Variants in FBXO4 observed in about 807,000 individuals in gnomAD.
FBXO4 encodes F-box protein 4, also known as F-box only protein 4.
In FBXO4, 36 loss-of-function variants were observed where a neutral mutation model predicts 43.7. The observed-to-expected ratio is 0.82, with a 90% confidence interval of 0.63 to 1.09. The LOEUF (loss-of-function observed/expected upper bound fraction) is 1.09. Ranked by LOEUF, FBXO4 falls within the 50% of genes least tolerant of loss-of-function variation. The probability of loss-of-function intolerance (pLI) is 0.00; values close to 1 mark genes in which losing one functional copy is unlikely to be tolerated. For missense variants in FBXO4, 435 were observed against 474.1 expected (o/e 0.92, Z 0.77); for synonymous variants, 180 against 165.6 (o/e 1.09, Z -0.67).
At chr5:42,006,434 A>G in the FBXO4 span, among the ~76,000 whole-genome samples, 2 of 152,118 alleles carry the variant, frequency 1.3e-5, no homozygotes, top group Admixed American at 6.6e-5. Context: ...TAGTTAAACC[A>G]AACAGCAGTT....
the FBXO4 span, among the ~76,000 whole-genome samples, chr5:42,022,998 T>C: frequency 3.3e-5 from 5 of 152,158 alleles, no homozygotes; most frequent in East Asian, 5.8e-4. Flanking sequence ...TACAATGATG[T>C]TTAGGTAACA....
intron 1 of FBXO4, 96 bp downstream of exon 1, chr5:41,925,594 C>T (rs560742737): frequency 2.0e-6 from 2 of 986,684 alleles, no homozygotes; most frequent in Non-Finnish European, 2.7e-6. Context: ...ACTCTCGCGC[C>T]CCGGCCTGGG....
chr5:41,988,654 A>C, the FBXO4 span, among the ~76,000 whole-genome samples: 1 of 152,130 alleles, frequency 6.6e-6, no homozygotes, highest in Non-Finnish European at 1.5e-5. Context: ...TTCTGGTTTG[A>C]TGAGCTCTGT....
the FBXO4 span, among the ~76,000 whole-genome samples, chr5:42,016,689 T>C: frequency 6.6e-6 from 1 of 152,046 alleles, no homozygotes; most frequent in Non-Finnish European, 1.5e-5. Context: ...TTTTTGAAAT[T>C]TTAAAAAGCT....
the FBXO4 span, among the ~76,000 whole-genome samples, chr5:42,004,874 G>A: frequency 1.3e-5 from 2 of 152,020 alleles, no homozygotes; most frequent in Non-Finnish European, 2.9e-5. Flanking sequence ...ATTTACAGTT[G>A]GAATGGACAC....
intron 5 of FBXO4, 49 bp from the exon 6 acceptor site, chr5:41,939,392 A>G: frequency 1.4e-6 from 2 of 1,463,766 alleles, no homozygotes; most frequent in Non-Finnish European, 1.8e-6. Context: ...ATTATTTTCA[A>G]AACTATTAAA....
At chr5:41,934,336 C>G in intron 5 of FBXO4, 28 bp downstream of exon 5, 1 of 1,613,522 alleles carries the variant, frequency 6.2e-7, no homozygotes, top group Middle Eastern at 1.7e-4. Context: ...CATTTTTAAG[C>G]ACATTGTTCT....
At chr5:42,013,056 A>G in the FBXO4 span, among the ~76,000 whole-genome samples, 1 of 152,226 alleles carries the variant, frequency 6.6e-6, no homozygotes, top group South Asian at 2.1e-4. Flanking sequence ...CATAATTCCA[A>G]CACTTTGAAA....
the FBXO4 span, among the ~76,000 whole-genome samples, chr5:41,962,649 C>T: frequency 3.9e-5 from 6 of 152,176 alleles, no homozygotes; most frequent in African/African-American, 1.4e-4. Flanking sequence ...GTATTCCTGA[C>T]CCTCTTCCAC....
At chr5:41,942,011 A>C (rs1392229066), downstream of FBXO4, among the ~76,000 whole-genome samples, 1 of 152,124 alleles carries the variant, frequency 6.6e-6, no homozygotes, top group Non-Finnish European at 1.5e-5. Context: ...GAAACACCCT[A>C]ATATCTCACT....
chr5:42,006,828 GGCTTTAAGATAAAACATTT>G, the FBXO4 span, among the ~76,000 whole-genome samples: 8 of 141,594 alleles, frequency 5.6e-5, no homozygotes, highest in Admixed American at 5.8e-4. Flanking sequence ...ATATAGCCAA[GGCTTTAAGATAAAACATTT>G]GCAAAATGGA....
the FBXO4 span, among the ~76,000 whole-genome samples, chr5:41,961,174 A>G: frequency 6.6e-6 from 1 of 152,114 alleles, no homozygotes; most frequent in Admixed American, 6.5e-5. Flanking sequence ...CTGTCTGCTG[A>G]GGTCAATGTT....
chr5:41,938,170 G>A (rs1166628221), intron 5 of FBXO4, among the ~76,000 whole-genome samples: 1 of 152,036 alleles, frequency 6.6e-6, no homozygotes, highest in Admixed American at 6.6e-5. Flanking sequence ...AACTAATAGT[G>A]TATTATACAT....
the FBXO4 span, among the ~76,000 whole-genome samples, chr5:41,993,020 T>A: frequency 5.9e-5 from 9 of 152,352 alleles, no homozygotes; most frequent in East Asian, 9.6e-4. Context: ...CACTATTTTT[T>A]AATTTGCTTT....
intron 6 of FBXO4, among the ~76,000 whole-genome samples, chr5:41,940,812 T>G (rs924638289): frequency 6.6e-5 from 10 of 152,138 alleles, no homozygotes; most frequent in African/African-American, 1.9e-4. Flanking sequence ...GGAGTGGCAG[T>G]CTTCAAGACA....
rs1751525155 is a variant in FBXO4 at position 41,927,000 on chromosome 5, T to G, written c.190-13T>G. 6.6e-7 allele frequency: 1 copy of G among 1,521,658 alleles called. No homozygotes were observed. Among genetic ancestry groups the G allele is most frequent in the African/African-American group, 1.4e-5 (1 of 71,768 alleles). The allele number at this position is 1,521,658 out of a possible 1,614,324, so 94.3% of individuals were successfully genotyped here. A position where few individuals can be genotyped will look rare whatever the true frequency, so the allele number is the denominator to read the frequency against. ...CATTCCTTTTTCCTACCTGCTGCTTTCTTCTGTTTCAGATTGATGTACAGC... is the reference window on the plus strand; with the variant it reads ...CATTCCTTTTTCCTACCTGCTGCTTGCTTCTGTTTCAGATTGATGTACAGC... On this transcript the variant is annotated splice_polypyrimidine_tract_variant and intron_variant, in intron 1 of 6. Coordinates refer to ENST00000281623, the MANE Select transcript of FBXO4 (RefSeq NM_012176.3).
At chr5:41,995,361 A>G in the FBXO4 span, among the ~76,000 whole-genome samples, 1 of 152,200 alleles carries the variant, frequency 6.6e-6, no homozygotes, top group Non-Finnish European at 1.5e-5. Flanking sequence ...AAGAGGTCCA[A>G]TATAATCAAG....
chr5:41,988,917 G>A, the FBXO4 span, among the ~76,000 whole-genome samples: 1 of 152,110 alleles, frequency 6.6e-6, no homozygotes, highest in Non-Finnish European at 1.5e-5. Flanking sequence ...AAATTATCAA[G>A]CTGACTTAAC....
At chr5:41,958,236 G>A in the FBXO4 span, among the ~76,000 whole-genome samples, 463 of 150,080 alleles carry the variant, frequency 3.1e-3, 2 homozygotes, top group African/African-American at 0.011. Flanking sequence ...CCGGGTTCAC[G>A]CCATTCTCCT....
Sources: gnomAD v4.1 joint callset for allele counts (sites outside exome capture counted in the v4.1 genomes callset) on GRCh38, gnomAD v4.1.1 for gene constraint, MANE v1.5 for transcripts, NCBI Gene and HGNC (gene_info 2026-07-23, HGNC 2026-07-21) for gene names.